VWF: variants seen among roughly 807,000 people sequenced by gnomAD.
VWF encodes the protein Factor VIII related antigen.
In VWF, 176 loss-of-function variants were observed where a neutral mutation model predicts 308.6. That is an observed-to-expected ratio of 0.57 (90% CI 0.50 to 0.65). The LOEUF is 0.65. Ranked by LOEUF, VWF falls within the 30% of genes least tolerant of loss-of-function variation. VWF has a pLI of 0.00. For synonymous variants in VWF, 1,385 were observed against 1,443.4 expected, an observed-to-expected ratio of 0.96 and a Z score of 0.92; for missense variants, 3,146 against 3,648.2, an observed-to-expected ratio of 0.86 and a Z score of 3.55.
intron 3 of VWF, among the ~76,000 whole-genome samples, chr12:6,116,165 G>A (rs1450770268): frequency 6.6e-6 from 1 of 152,168 alleles, no homozygotes; most frequent in Non-Finnish European, 1.5e-5. Flanking sequence ...AGACCTCCAG[G>A]TTAGCACTTT....
chr12:6,116,977 C>T (rs903473129), intron 3 of VWF, among the ~76,000 whole-genome samples: 13 of 152,104 alleles, frequency 8.5e-5, no homozygotes, highest in African/African-American at 2.9e-4. Context: ...GACCCAGTGC[C>T]CCTGGCTGCC....
chr12:6,095,204 A>G, intron 6 of VWF: 1 of 514,106 alleles, frequency 1.9e-6, no homozygotes, highest in South Asian at 2.0e-5. Flanking sequence ...CCTTAAAATT[A>G]CCCAGTCTCA....
In VWF at chr12:6,034,704, T is replaced by A; in HGVS notation, c.2669A>T (p.Gln890Leu). ...ACCTCTCACCTGCACCAGAACGTAC[T>A]GGCACTCCCCGGGGAACAGGTATTT... The part of the protein sequence containing the change: ...GLKYLFPGEC[Q>L]YVLVQDYCGS... The change falls in exon 20 of 52, where the codon CAG becomes CTG. Residue 890 changes from glutamine (Q) to leucine (L), a missense_variant. By Grantham distance (113) the Gln-to-Leu change is moderately radical (BLOSUM62 -2). This residue lies in a region of VWF where 1,304 missense variants were observed against 1,353.0 expected (regional missense o/e 0.96). Transcript: ENST00000261405. 6.2e-7 allele frequency: 1 copy of A among 1,613,958 alleles called. No individual in the cohort carries two copies. Among genetic ancestry groups the A allele is most frequent in the Non-Finnish European group, 8.5e-7 (1 of 1,179,934 alleles).
intron 18 of VWF, among the ~76,000 whole-genome samples, chr12:6,041,946 T>C (rs766042170): frequency 6.6e-6 from 1 of 152,196 alleles, no homozygotes; most frequent in Non-Finnish European, 1.5e-5. Context: ...CAGCCTTGGA[T>C]AGTTACAGAA....
intron 13 of VWF, 113 bp downstream of exon 13, chr12:6,062,841 C>A: frequency 1.2e-6 from 1 of 858,262 alleles, no homozygotes; most frequent in Non-Finnish European, 1.9e-6. Flanking sequence ...GGGTGTAGGC[C>A]ATGAGGAGAA....
intron 18 of VWF, among the ~76,000 whole-genome samples, chr12:6,037,121 G>A (rs764315245): frequency 1.3e-5 from 2 of 152,156 alleles, no homozygotes; most frequent in Non-Finnish European, 2.9e-5. Flanking sequence ...GGTTCCAAAT[G>A]TATATATATT....
At position 6,095,743 on chromosome 12, in the gene VWF, T is replaced by C. The variant is rs573520328; in HGVS notation, c.533-159A>G. The C allele has an allele frequency of 2.2e-4, 208 of 954,544 alleles. No homozygotes were observed. The East Asian group carries it at 5.0e-3, about 23-fold the overall frequency. 59.1% of individuals were successfully genotyped at this position (954,544 alleles called of 1,614,324 possible). A position where few individuals can be genotyped will look rare whatever the true frequency, so the allele number is the denominator to read the frequency against. On this transcript the variant is annotated intron_variant, in intron 5 of 51. Coordinates refer to ENST00000261405, the MANE Select transcript of VWF (RefSeq NM_000552.5). ...GTTTCCCAGGCTGGAGTGCAGCGGC[T>C]ATTCACAAGTGCAATCCCACTACTG... is the stretch of plus-strand genomic sequence containing the variant.
intron 36 of VWF, 22 bp downstream of exon 36, chr12:5,994,393 G>A (rs1375567761): frequency 1.2e-6 from 2 of 1,613,460 alleles, no homozygotes; most frequent in South Asian, 1.1e-5. Context: ...GGGGAGAAGA[G>A]GAGTTGAGAA....
intron 5 of VWF, among the ~76,000 whole-genome samples, chr12:6,106,025 G>A (rs985473913): frequency 6.6e-5 from 10 of 152,142 alleles, no homozygotes; most frequent in Admixed American, 3.9e-4. Flanking sequence ...CCTGGCGACA[G>A]AGGGAAACTC....
intron 21 of VWF, among the ~76,000 whole-genome samples, chr12:6,029,969 A>G (rs577701314): frequency 5.1e-4 from 77 of 152,260 alleles, no homozygotes; most frequent in Non-Finnish European, 8.5e-4. Context: ...CAGGAGACAG[A>G]GCTGAAGAAA....
chr12:5,996,605 A>C (rs1419432352), intron 34 of VWF, among the ~76,000 whole-genome samples: 1 of 152,156 alleles, frequency 6.6e-6, no homozygotes, highest in Non-Finnish European at 1.5e-5. Context: ...AAAGCTAAGC[A>C]AGCTATGAGC....
intron 42 of VWF, among the ~76,000 whole-genome samples, chr12:5,980,603 A>G (rs1377378175): frequency 6.6e-6 from 1 of 152,220 alleles, no homozygotes; most frequent in Non-Finnish European, 1.5e-5. Flanking sequence ...GTGGGCAGGA[A>G]GACGAGAAGG....
intron 3 of VWF, among the ~76,000 whole-genome samples, chr12:6,119,413 TC>T (rs1355634376): frequency 2.0e-5 from 3 of 152,106 alleles, no homozygotes; most frequent in Non-Finnish European, 4.4e-5. Context: ...CACACTGACC[TC>T]CCCAGGGCTC....
At chr12:6,010,875 C>A (rs1943985495) in intron 34 of VWF, among the ~76,000 whole-genome samples, 1 of 152,144 alleles carries the variant, frequency 6.6e-6, no homozygotes, top group Non-Finnish European at 1.5e-5. Context: ...TCAACTGAGA[C>A]TTTGTCTTCT....
intron 22 of VWF, among the ~76,000 whole-genome samples, chr12:6,026,286 C>T (rs1471344788): frequency 6.6e-6 from 1 of 152,144 alleles, no homozygotes; most frequent in Non-Finnish European, 1.5e-5. Flanking sequence ...AACAGAGAGG[C>T]AACATGCCCA....
Position 6,057,873 on chromosome 12 carries a change from G to C in VWF, c.1705C>G (p.Pro569Ala). ...CQDLQKQHSD[P>A]CALNPRMTRF... The stretch of plus-strand genomic sequence containing the variant: ...CTCATGCGCGGGTTGAGGGCGCAGG[G>C]ATCGCTGTGCTGCTTCTGCAGGTCC... Residue 569 changes from proline (P) to alanine (A), a missense_variant, in exon 14 of 52, where the codon CCC (proline) becomes GCC (alanine). Transcript: ENST00000261405. 1.2e-6 allele frequency: 2 copies of C among 1,610,662 alleles called. No individual in the cohort carries two copies. Among genetic ancestry groups the C allele is most frequent in the South Asian group, 2.2e-5 (2 of 90,784 alleles).
At chr12:5,990,355 G>A (rs1338154585) in intron 38 of VWF, among the ~76,000 whole-genome samples, 1 of 152,162 alleles carries the variant, frequency 6.6e-6, no homozygotes, top group Non-Finnish European at 1.5e-5. Flanking sequence ...TCAATAGGAT[G>A]TGCGATTATG....
intron 3 of VWF, among the ~76,000 whole-genome samples, chr12:6,114,285 C>T (rs991890108): frequency 6.6e-6 from 1 of 152,132 alleles, no homozygotes; most frequent in Admixed American, 6.5e-5. Flanking sequence ...TGGCATGGCC[C>T]TGTGGCTGCT....
intron 47 of VWF, among the ~76,000 whole-genome samples, chr12:5,966,735 C>T (rs1293574876): frequency 6.6e-6 from 1 of 152,190 alleles, no homozygotes; most frequent in African/African-American, 2.4e-5. Flanking sequence ...GTTCATGCAT[C>T]TAGCTCACAA....
Sources: gnomAD v4.1 joint callset for allele counts (sites outside exome capture counted in the v4.1 genomes callset) on GRCh38, gnomAD v4.1.1 for gene constraint, gnomAD v4.1.1 regional missense constraint, MANE v1.5 for transcripts, NCBI Gene and HGNC (gene_info 2026-07-23, HGNC 2026-07-21) for gene names.